RSRC1: variants seen among roughly 807,000 people sequenced by gnomAD.
The protein encoded by RSRC1 is serine/Arginine-related protein 53.
A neutral mutation model predicts 49.1 loss-of-function variants in RSRC1; 39 were observed. The ratio of observed to expected loss-of-function variants is 0.79; its 90% CI spans 0.61 to 1.04. The LOEUF is 1.04. Among genes scored for constraint, RSRC1 ranks in the 50% least tolerant of loss-of-function variants. The pLI is 0.00. For missense variants in RSRC1, 388 were observed against 402.4 expected, an observed-to-expected ratio of 0.96 and a Z score of 0.31; for synonymous variants, 143 against 130.8, an observed-to-expected ratio of 1.09 and a Z score of -0.63.
chr3:158,517,362 C>A (rs1740627280), intron 7 of RSRC1, among the ~76,000 whole-genome samples: 1 of 152,070 alleles, frequency 6.6e-6, no homozygotes, highest in Non-Finnish European at 1.5e-5. Flanking sequence ...TCTCACTGCA[C>A]TGACTGCAAC....
intron 6 of RSRC1, among the ~76,000 whole-genome samples, chr3:158,424,397 G>A (rs1321309393): frequency 6.6e-5 from 10 of 151,840 alleles, no homozygotes; most frequent in East Asian, 5.8e-4. Flanking sequence ...ATTTGCATAT[G>A]TTGAACCAGC....
intron 4 of RSRC1, among the ~76,000 whole-genome samples, chr3:158,221,027 G>A (rs1722197610): frequency 6.6e-6 from 1 of 151,558 alleles, no homozygotes; most frequent in African/African-American, 2.4e-5. Flanking sequence ...TTGGTGAAAA[G>A]TATTGATTTC....
At chr3:158,420,224 G>C (rs552037695) in intron 6 of RSRC1, among the ~76,000 whole-genome samples, 2 of 152,122 alleles carry the variant, frequency 1.3e-5, no homozygotes, top group Non-Finnish European at 2.9e-5. Context: ...GTAAAGATAG[G>C]TAAGCAAAAT....
In RSRC1 at chr3:158,544,420, G is replaced by C; in HGVS notation, c.*145G>C. ...CTCATTTCATTTGTCTCTCATGTAG[G>C]CTTGAATATTTGTTAATTTGAATTA... On this transcript the variant is annotated 3_prime_UTR_variant, in exon 10 of 10. Coordinates refer to ENST00000611884, the MANE Select transcript of RSRC1 (RefSeq NM_001271838.2). The C allele has an allele frequency of 2.2e-6, 1 of 449,534 alleles. No homozygotes were observed. The highest frequency in any genetic ancestry group is 2.0e-5 in the African/African-American group (1 of 49,566). The allele number at this position is 449,534 out of a possible 1,614,324, so 27.8% of individuals were successfully genotyped here.
intron 7 of RSRC1, among the ~76,000 whole-genome samples, chr3:158,524,856 C>T (rs923491791): frequency 1.3e-5 from 2 of 151,902 alleles, no homozygotes; most frequent in African/African-American, 4.8e-5. Context: ...GGAAAAGAAA[C>T]ATTGACCCTT....
chr3:158,428,118 G>T (rs1735565450), intron 6 of RSRC1, among the ~76,000 whole-genome samples: 2 of 151,574 alleles, frequency 1.3e-5, no homozygotes, highest in Admixed American at 6.6e-5. Context: ...AACCAGAATG[G>T]TAATATTGTT....
chr3:158,186,431 A>G (rs997744978), intron 3 of RSRC1, among the ~76,000 whole-genome samples: 1 of 151,970 alleles, frequency 6.6e-6, no homozygotes, highest in African/African-American at 2.4e-5. Context: ...CAGTAACTGA[A>G]TGGTCTTTTA....
intron 3 of RSRC1, among the ~76,000 whole-genome samples, chr3:158,145,562 G>C (rs1016768868): frequency 3.3e-5 from 5 of 152,122 alleles, no homozygotes; most frequent in Admixed American, 3.3e-4. Flanking sequence ...AAGTCAGGTA[G>C]CATGATGCCT....
chr3:158,117,767 C>G (rs968379846), intron 1 of RSRC1, among the ~76,000 whole-genome samples: 2 of 152,180 alleles, frequency 1.3e-5, no homozygotes, highest in African/African-American at 2.4e-5. Flanking sequence ...ACTGGGACTA[C>G]CGGCTTATGC....
At chr3:158,240,788 CT>C (rs1459214535) in intron 4 of RSRC1, among the ~76,000 whole-genome samples, 1 of 152,148 alleles carries the variant, frequency 6.6e-6, no homozygotes, top group East Asian at 1.9e-4. Context: ...CACTTTCATT[CT>C]CTGTGAATCA....
chr3:158,230,404 T>C (rs1356605408), intron 4 of RSRC1, among the ~76,000 whole-genome samples: 1 of 152,138 alleles, frequency 6.6e-6, no homozygotes, highest in Non-Finnish European at 1.5e-5. Flanking sequence ...ATAGTGGTAA[T>C]ATTTCTAAAG....
intron 3 of RSRC1, among the ~76,000 whole-genome samples, chr3:158,138,376 G>C (rs1005798476): frequency 1.3e-5 from 2 of 152,176 alleles, no homozygotes; most frequent in Non-Finnish European, 2.9e-5. Flanking sequence ...TTTTGGTTGA[G>C]GTGATTTTGT....
chr3:158,521,072 A>G (rs912817393), intron 7 of RSRC1, among the ~76,000 whole-genome samples: 2 of 152,314 alleles, frequency 1.3e-5, no homozygotes, highest in Admixed American at 1.3e-4. Flanking sequence ...GAGACATAAC[A>G]GAATGATTGC....
intron 6 of RSRC1, among the ~76,000 whole-genome samples, chr3:158,424,124 G>C (rs1212663740): frequency 1.3e-5 from 2 of 152,098 alleles, no homozygotes; most frequent in East Asian, 1.9e-4. Flanking sequence ...ATAGGAGTAG[G>C]AGTGGTGAGA....
intron 3 of RSRC1, among the ~76,000 whole-genome samples, chr3:158,183,161 AACTT>A (rs1250533135): frequency 1.3e-5 from 2 of 152,276 alleles, no homozygotes; most frequent in Admixed American, 1.3e-4. Flanking sequence ...TAAGAAAATA[AACTT>A]ACCTTCTATT....
chr3:158,249,149 T>C (rs1724069091), intron 4 of RSRC1, among the ~76,000 whole-genome samples: 1 of 152,204 alleles, frequency 6.6e-6, no homozygotes, highest in Non-Finnish European at 1.5e-5. Context: ...TATTGAGGTA[T>C]AATTAACATT....
At chr3:158,194,456 T>C (rs1005461564) in intron 3 of RSRC1, among the ~76,000 whole-genome samples, 11 of 152,010 alleles carry the variant, frequency 7.2e-5, no homozygotes, top group Non-Finnish European at 1.5e-4. Flanking sequence ...CATTCTTCTT[T>C]TGTGCTGGAC....
chr3:158,388,740 G>A (rs774304914), intron 6 of RSRC1, among the ~76,000 whole-genome samples: 5 of 151,924 alleles, frequency 3.3e-5, no homozygotes, highest in Non-Finnish European at 7.4e-5. Context: ...CTCCAGGGTA[G>A]CTTGCACTAC....
chr3:158,279,017 T>G (rs567332824), intron 4 of RSRC1, among the ~76,000 whole-genome samples: 1 of 152,334 alleles, frequency 6.6e-6, no homozygotes, highest in East Asian at 1.9e-4. Flanking sequence ...GCCATTTAAT[T>G]TGATAAAATA....
Sources: allele counts gnomAD v4.1 joint callset (sites outside exome capture counted in the v4.1 genomes callset), GRCh38; gene constraint gnomAD v4.1.1; transcripts MANE v1.5; gene names NCBI Gene and HGNC (gene_info 2026-07-23, HGNC 2026-07-21).